Variants in FGF14 observed in about 807,000 individuals in gnomAD.
The protein encoded by FGF14 is fibroblast growth factor 14.
Under a neutral mutation model 25.5 loss-of-function variants are expected in FGF14, and 5 were observed. That is an observed-to-expected ratio of 0.20 (90% CI 0.10 to 0.41). FGF14 has a LOEUF of 0.41. FGF14 is among the 10% of genes least tolerant of loss of function. FGF14 has a pLI of 1.00. For synonymous variants in FGF14, 138 were observed against 118.3 expected (o/e 1.17, Z -1.08); for missense variants, 222 against 320.1 (o/e 0.69, Z 2.34).
chr13:101,872,324 A>T (rs1025117691), intron 2 of FGF14, among the ~76,000 whole-genome samples: 13 of 151,556 alleles, frequency 8.6e-5, no homozygotes, highest in South Asian at 8.4e-4. Flanking sequence ...GATTATTCAT[A>T]AACATGTTTC....
chr13:102,369,342 C>T (rs554558937), intron 1 of FGF14, among the ~76,000 whole-genome samples: 21 of 152,292 alleles, frequency 1.4e-4, no homozygotes, highest in Admixed American at 1.1e-3. Flanking sequence ...AATAAATTGC[C>T]CAGATCCATT....
At chr13:101,808,050 T>A (rs926134759) in intron 3 of FGF14, among the ~76,000 whole-genome samples, 2 of 152,054 alleles carry the variant, frequency 1.3e-5, no homozygotes, top group African/African-American at 4.8e-5. Context: ...GCAAGAAATA[T>A]ACTATATATT....
At chr13:101,918,094 G>A (rs1301788302), upstream of FGF14, among the ~76,000 whole-genome samples, 2 of 146,608 alleles carry the variant, frequency 1.4e-5, no homozygotes, top group East Asian at 3.9e-4. Context: ...AACAGCCGGC[G>A]TCTCCTCCCC....
intron 1 of FGF14, among the ~76,000 whole-genome samples, chr13:102,056,979 T>C (rs2042460550): frequency 6.6e-6 from 1 of 151,720 alleles, no homozygotes; most frequent in African/African-American, 2.4e-5. Flanking sequence ...GACATATTTT[T>C]ATGACATTTA....
At chr13:101,960,624 G>A (rs1383750850) in intron 1 of FGF14, among the ~76,000 whole-genome samples, 2 of 152,070 alleles carry the variant, frequency 1.3e-5, no homozygotes, top group African/African-American at 4.8e-5. Flanking sequence ...CCATGCCTTT[G>A]CTATTGTGAA....
At chr13:102,208,893 C>T in intron 1 of FGF14, among the ~76,000 whole-genome samples, 1 of 152,094 alleles carries the variant, frequency 6.6e-6, no homozygotes, top group East Asian at 1.9e-4. Flanking sequence ...GCAAAAATAA[C>T]CACAATATAT....
At chr13:102,265,653 T>G (rs2052952114) in intron 1 of FGF14, among the ~76,000 whole-genome samples, 2 of 152,120 alleles carry the variant, frequency 1.3e-5, no homozygotes, top group Non-Finnish European at 1.5e-5. Flanking sequence ...GTAGGAATTT[T>G]TATACCCTTA....
intron 1 of FGF14, among the ~76,000 whole-genome samples, chr13:102,224,533 G>C (rs2050750669): frequency 6.6e-6 from 1 of 152,046 alleles, no homozygotes; most frequent in Non-Finnish European, 1.5e-5. Flanking sequence ...AGGACAAAAA[G>C]AGGGCAACAT....
chr13:102,165,919 A>T (rs1001608862), intron 1 of FGF14, among the ~76,000 whole-genome samples: 3 of 146,902 alleles, frequency 2.0e-5, no homozygotes, highest in Non-Finnish European at 4.5e-5. Flanking sequence ...CTTTTCCTTT[A>T]AAAAAAAAAT....
intron 1 of FGF14, among the ~76,000 whole-genome samples, chr13:102,321,249 T>A (rs1161152385): frequency 6.6e-6 from 1 of 152,206 alleles, no homozygotes; most frequent in Non-Finnish European, 1.5e-5. Context: ...AATTCAGTGC[T>A]GGAAATTCAA....
chr13:102,117,180 G>T (rs556349619), intron 1 of FGF14, among the ~76,000 whole-genome samples: 1 of 152,254 alleles, frequency 6.6e-6, no homozygotes, highest in East Asian at 1.9e-4. Flanking sequence ...TCTGGTGCTG[G>T]TGGTTGGCCC....
chr13:101,853,235 T>A (rs1355551247), intron 3 of FGF14, among the ~76,000 whole-genome samples: 1 of 152,014 alleles, frequency 6.6e-6, no homozygotes, highest in African/African-American at 2.4e-5. Context: ...AAGACAACCT[T>A]TCTGTCACCC....
At chr13:101,858,642 T>C (rs1314434072) in intron 3 of FGF14, among the ~76,000 whole-genome samples, 6 of 152,108 alleles carry the variant, frequency 3.9e-5, no homozygotes, top group South Asian at 2.1e-4. Context: ...TTGATCAATA[T>C]AAATGTTGTT....
intron 1 of FGF14, among the ~76,000 whole-genome samples, chr13:101,878,886 A>C (rs2138776657): frequency 6.6e-6 from 1 of 152,158 alleles, no homozygotes; most frequent in African/African-American, 2.4e-5. Flanking sequence ...CATTTTTTTC[A>C]ATAAACTGAT....
chr13:102,126,958 C>T (rs780987925), intron 1 of FGF14, among the ~76,000 whole-genome samples: 5 of 152,090 alleles, frequency 3.3e-5, no homozygotes, highest in Non-Finnish European at 5.9e-5. Flanking sequence ...GAATCAGGGC[C>T]ACAATGGCTA....
chr13:101,714,199 A>G lies in FGF14; in HGVS notation c.*8632T>C. ...ATTGACATTTCAACCAGACTGGGCC[A>G]TGGGACATTTGTTCAAGGCTAATTG... is the stretch of plus-strand genomic sequence containing the variant. On this transcript the variant is annotated 3_prime_UTR_variant, in exon 5 of 5. Coordinates refer to ENST00000376143, the MANE Select transcript of FGF14 (RefSeq NM_004115.4). The G allele has an allele frequency of 2.1e-6, 1 of 482,268 alleles. No homozygotes were observed. Among genetic ancestry groups the G allele is most frequent in the Non-Finnish European group, 3.7e-6 (1 of 270,814 alleles). The allele number at this position is 482,268 out of a possible 1,614,324, so 29.9% of individuals were successfully genotyped here. A position where few individuals can be genotyped will look rare whatever the true frequency, so the allele number is the denominator to read the frequency against.
intron 3 of FGF14, among the ~76,000 whole-genome samples, chr13:101,798,209 A>G (rs374909534): frequency 3.6e-4 from 55 of 152,242 alleles, no homozygotes; most frequent in African/African-American, 1.2e-3. Context: ...CATGTCTCAC[A>G]GTTTTCCCTG....
At chr13:102,381,094 G>A (rs1163229807) in intron 1 of FGF14, among the ~76,000 whole-genome samples, 1 of 152,102 alleles carries the variant, frequency 6.6e-6, no homozygotes, top group Non-Finnish European at 1.5e-5. Context: ...AATACCTTAT[G>A]CAATTTATTG....
At chr13:101,900,455 A>G (rs1440188162) in intron 1 of FGF14, among the ~76,000 whole-genome samples, 1 of 152,178 alleles carries the variant, frequency 6.6e-6, no homozygotes, top group Non-Finnish European at 1.5e-5. Flanking sequence ...TAAAAGAGAA[A>G]AGGTACAAGT....
Sources: gnomAD v4.1 joint callset for allele counts (sites outside exome capture counted in the v4.1 genomes callset) on GRCh38, gnomAD v4.1.1 for gene constraint, MANE v1.5 for transcripts, NCBI Gene and HGNC (gene_info 2026-07-23, HGNC 2026-07-21) for gene names.